The following KIAA1671 variants were observed in gnomAD, a reference collection of about 807,000 sequenced individuals.
KIAA1671 encodes KIAA1671, also known as uncharacterized protein KIAA1671.
KIAA1671 carries 52 observed loss-of-function variants against 131.2 expected under a neutral mutation model. That is an observed-to-expected ratio of 0.40 (90% confidence interval 0.32 to 0.50). The LOEUF is 0.50. Among genes scored for constraint, KIAA1671 ranks in the 20% least tolerant of loss-of-function variants. KIAA1671 has a pLI of 0.73. For missense variants in KIAA1671, 2,360 were observed against 2,364.2 expected (o/e 1.00, Z 0.04); for synonymous variants, 1,003 against 961.6 (o/e 1.04, Z -0.80).
intron 1 of KIAA1671, among the ~76,000 whole-genome samples, chr22:24,964,749 G>T (rs1316879440): frequency 6.6e-6 from 1 of 152,106 alleles, no homozygotes; most frequent in African/African-American, 2.4e-5. Context: ...TTTGATTCTT[G>T]TGACTCCATT....
At position 25,003,568 on chromosome 22, in the gene KIAA1671, C is replaced by T. The variant is rs961620667; in HGVS notation, c.-207-22065C>T. On this transcript the variant is annotated intron_variant, in intron 1 of 12. Coordinates refer to ENST00000358431, the MANE Select transcript of KIAA1671 (RefSeq NM_001145206.2). Reference sequence around the variant, plus strand: ...CTGGGACTACAGGCACCTGCCACTACGCCTGGCTAATTTTTTTGTATTTTT... The same window carrying T: ...CTGGGACTACAGGCACCTGCCACTATGCCTGGCTAATTTTTTTGTATTTTT... Among the ~76,000 whole-genome samples, 9 of 151,938 alleles carry T rather than the reference C, an allele frequency of 5.9e-5. No homozygotes were observed. In the South Asian group the frequency reaches 8.3e-4, roughly 14 times the overall value.
chr22:25,040,899 G>T lies in KIAA1671; in HGVS notation c.3769G>T (p.Gly1257Trp). The T allele has an allele frequency of 6.6e-7, 1 of 1,513,020 alleles. No homozygotes were observed. The highest frequency in any genetic ancestry group is 8.9e-7 in the Non-Finnish European group (1 of 1,129,788). The allele number at this position is 1,513,020 out of a possible 1,614,324, so 93.7% of individuals were successfully genotyped here. A position where few individuals can be genotyped will look rare whatever the true frequency, so the allele number is the denominator to read the frequency against. Residue 1257 changes from glycine (G) to tryptophan (W), a missense_variant, in exon 5 of 13, where the codon GGG becomes TGG. Gly to Trp is a radical substitution (Grantham distance 184, BLOSUM62 -2). This residue lies in a region of KIAA1671 where 1,161 missense variants were observed against 1,204.7 expected (regional missense o/e 0.96). Coordinates refer to ENST00000358431, the MANE Select transcript of KIAA1671 (RefSeq NM_001145206.2). ...RRSLKEMPDTGGLWKPASSAE... is the reference protein window; with the variant it reads ...RRSLKEMPDTWGLWKPASSAE... Reference sequence around the variant, plus strand: ...GAGCCTGAAGGAGATGCCCGATACCGGGGGTCTCTGGAAACCGGCCAGTTC... The same window carrying T: ...GAGCCTGAAGGAGATGCCCGATACCTGGGGTCTCTGGAAACCGGCCAGTTC...
chr22:25,097,009 T>G (rs1473282932), intron 6 of KIAA1671, among the ~76,000 whole-genome samples: 1 of 152,248 alleles, frequency 6.6e-6, no homozygotes, highest in African/African-American at 2.4e-5. Context: ...TATTCATCCC[T>G]TCTCTTGTTG....
chr22:25,004,112 C>T (rs567969008), intron 1 of KIAA1671, among the ~76,000 whole-genome samples: 9 of 148,462 alleles, frequency 6.1e-5, no homozygotes, highest in Non-Finnish European at 1.4e-4. Context: ...CCACTGTGCC[C>T]GGCCATTTTT....
At chr22:25,049,052 C>T in intron 5 of KIAA1671, 178 bp from the exon 6 acceptor site, 1 of 738,936 alleles carries the variant, frequency 1.4e-6, no homozygotes, top group South Asian at 2.0e-5. Context: ...GGCTGGGCCA[C>T]TGGAACCCAG....
intron 6 of KIAA1671, among the ~76,000 whole-genome samples, chr22:25,074,537 ATATATATATGTATATGTG>A (rs1242390461): frequency 1.1e-4 from 16 of 149,500 alleles, no homozygotes; most frequent in African/African-American, 3.7e-4. Context: ...AAATTGAGGC[ATATATATATGTATATGTG>A]TATATATATG....
intron 1 of KIAA1671, among the ~76,000 whole-genome samples, chr22:25,008,594 G>T (rs150926389): frequency 6.6e-6 from 1 of 152,232 alleles, no homozygotes; most frequent in Non-Finnish European, 1.5e-5. Context: ...CCACCACATG[G>T]GCCAGTTGCC....
At chr22:24,981,207 C>A (rs1475626771) in intron 1 of KIAA1671, among the ~76,000 whole-genome samples, 1 of 152,150 alleles carries the variant, frequency 6.6e-6, no homozygotes, top group East Asian at 1.9e-4. Context: ...CGGGCAGGGG[C>A]TGGTTCCTGT....
At chr22:25,019,423 C>G (rs1206910324) in intron 1 of KIAA1671, among the ~76,000 whole-genome samples, 2 of 152,012 alleles carry the variant, frequency 1.3e-5, no homozygotes, top group South Asian at 4.1e-4. Flanking sequence ...TGCTTTGCTT[C>G]TGAAAGCAGG....
intron 6 of KIAA1671, among the ~76,000 whole-genome samples, chr22:25,158,019 C>A (rs1204151427): frequency 1.3e-5 from 2 of 152,152 alleles, no homozygotes; most frequent in Non-Finnish European, 2.9e-5. Flanking sequence ...GATGGGGTTT[C>A]ACTGTGTCAG....
At chr22:25,002,427 G>T (rs1430572735) in intron 1 of KIAA1671, among the ~76,000 whole-genome samples, 3 of 152,146 alleles carry the variant, frequency 2.0e-5, no homozygotes, top group Non-Finnish European at 4.4e-5. Flanking sequence ...CACACCTCAG[G>T]CTTCCTCCCC....
At chr22:25,016,026 T>C (rs1245761659) in intron 1 of KIAA1671, among the ~76,000 whole-genome samples, 4 of 18,660 alleles carry the variant, frequency 2.1e-4, no homozygotes, top group African/African-American at 1.8e-3. Context: ...CTTTTTTTTC[T>C]TTTTTTTTTT....
intron 9 of KIAA1671, among the ~76,000 whole-genome samples, chr22:25,180,222 T>C (rs1934218468): frequency 6.6e-6 from 1 of 152,204 alleles, no homozygotes; most frequent in African/African-American, 2.4e-5. Context: ...ATTTCGTCTG[T>C]AGATGGAGAG....
chr22:25,174,457 G>C lies in KIAA1671; in HGVS notation c.4867G>C (p.Glu1623Gln). ...EGPPPPDACP[E>Q]KRVDDFSFID... ...GCCGCCTCCACCGGACGCCTGCCCT[G>C]AAAAGAGAGTAGATGACTTCTCCTT... The change falls in exon 8 of 13, where the codon GAA becomes CAA. Residue 1623 changes from glutamate (E) to glutamine (Q), a missense_variant. This residue lies in a region of KIAA1671 where 1,161 missense variants were observed against 1,204.7 expected (regional missense o/e 0.96). Coordinates refer to ENST00000358431, the MANE Select transcript of KIAA1671 (RefSeq NM_001145206.2). The C allele has an allele frequency of 2.6e-6, 4 of 1,541,658 alleles. No homozygotes were observed. In the South Asian group the frequency reaches 4.8e-5, roughly 19 times the overall value.
chr22:24,956,957 G>A (rs975858222), intron 1 of KIAA1671, among the ~76,000 whole-genome samples: 4 of 151,996 alleles, frequency 2.6e-5, no homozygotes, highest in Admixed American at 2.6e-4. Context: ...CCTGGCTGTG[G>A]CCTTGGGCAT....
chr22:25,041,125 T>C lies in KIAA1671; in HGVS notation c.3995T>C (p.Phe1332Ser). The C allele has an allele frequency of 6.5e-7, 1 of 1,550,306 alleles. No individual in the cohort carries two copies. The highest frequency in any genetic ancestry group is 8.7e-7 in the Non-Finnish European group (1 of 1,146,108). Residue 1332 changes from phenylalanine (F) to serine (S), a missense_variant, in exon 5 of 13, where the codon TTT (phenylalanine) becomes TCT (serine). This residue lies in a region of KIAA1671 where 1,161 missense variants were observed against 1,204.7 expected (regional missense o/e 0.96). Coordinates refer to ENST00000358431, the MANE Select transcript of KIAA1671 (RefSeq NM_001145206.2). ...TTTGCTGAGGATGACAGAAAGGCCT[T>C]TGCCAGTAAACATCATGTTGCAAAG... is the stretch of plus-strand genomic sequence containing the variant. ...TGFAEDDRKA[F>S]ASKHHVAKCQ... is the part of the protein sequence containing the mutation.
chr22:25,143,805 C>T (rs547183389), intron 6 of KIAA1671, among the ~76,000 whole-genome samples: 30 of 152,252 alleles, frequency 2.0e-4, no homozygotes, highest in South Asian at 6.2e-4. Context: ...ATCCTGTTTC[C>T]GCCATTTATG....
At chr22:24,976,355 T>C (rs1328267887) in intron 1 of KIAA1671, among the ~76,000 whole-genome samples, 1 of 152,192 alleles carries the variant, frequency 6.6e-6, no homozygotes, top group Non-Finnish European at 1.5e-5. Flanking sequence ...TTGCTCAAGG[T>C]CATTCAGCCA....
intron 6 of KIAA1671, among the ~76,000 whole-genome samples, chr22:25,085,705 G>A (rs77122964): frequency 6.8e-6 from 1 of 146,510 alleles, no homozygotes; most frequent in Non-Finnish European, 1.5e-5. Context: ...CTCTGCCTCC[G>A]CACAGCCTGA....
Sources: gnomAD v4.1 joint callset for allele counts (sites outside exome capture counted in the v4.1 genomes callset) on GRCh38, gnomAD v4.1.1 for gene constraint, gnomAD v4.1.1 regional missense constraint, MANE v1.5 for transcripts, NCBI Gene and HGNC (gene_info 2026-07-23, HGNC 2026-07-21) for gene names.